The following LTBP4 variants were observed in gnomAD, a reference collection of about 807,000 sequenced individuals.
LTBP4 encodes latent-transforming growth factor beta-binding protein 4.
A neutral mutation model predicts 180.2 loss-of-function variants in LTBP4; 93 were observed. The observed-to-expected ratio is 0.52, with a 90% CI of 0.44 to 0.61. The LOEUF (loss-of-function observed/expected upper bound fraction) is 0.61, where lower values mean the gene tolerates loss of function less well. Among genes scored for constraint, LTBP4 ranks in the 20% least tolerant of loss-of-function variants. LTBP4 has a pLI of 0.00. For missense variants in LTBP4, 2,116 were observed against 2,256.5 expected (o/e 0.94, Z 1.26); for synonymous variants, 947 against 934.5 (o/e 1.01, Z -0.24).
chr19:40,625,250 A>ATT lies in LTBP4; in HGVS notation c.3833-605_3833-604dup, dbSNP rs1568414196. Among the ~76,000 whole-genome samples the ATT allele has an allele frequency of 6.7e-4, 32 of 47,780 alleles. 3 individuals are homozygous for ATT. The highest frequency in any genetic ancestry group is 2.2e-3 in the African/African-American group (24 of 10,992). 31.3% of individuals were successfully genotyped at this position (47,780 alleles called of 152,430 possible). A position where few individuals can be genotyped will look rare whatever the true frequency, so the allele number is the denominator to read the frequency against. ...GCCACCAAGCCTGGCTAATTTTTGT[A>ATT]TTTATATATATATATATATATATAT... On this transcript the variant is annotated intron_variant, in intron 26 of 29. Transcript: ENST00000396819.
In LTBP4 at chr19:40,627,716, G is replaced by A. The variant is rs760354615; in HGVS notation, c.4378G>A (p.Glu1460Lys). The change falls in exon 29 of 30, where the codon GAG (glutamate) becomes AAG (lysine). Residue 1460 changes from glutamate to lysine, a missense_variant. Coordinates refer to ENST00000396819, the MANE Select transcript of LTBP4 (RefSeq NM_001042545.2). ...EGGSYAGSLA[E>K]PYEELEAEEC... ...CGCATTTCCCACAGGTTCCCTGGCT[G>A]AGCCCTACGAGGAGCTGGAGGCGGA... 6.3e-6 allele frequency: 10 copies of A among 1,595,182 alleles called. No individual in the cohort carries two copies. The highest frequency in any genetic ancestry group is 8.5e-6 in the Non-Finnish European group (10 of 1,172,214).
Position 40,627,817 on chromosome 19 carries a change from C to T in LTBP4, c.4479C>T (p.Phe1493=), listed in dbSNP as rs1038609848. 11 of 1,569,998 alleles carry T rather than the reference C, an allele frequency of 7.0e-6. No homozygotes were observed. The African/African-American group carries it at 1.2e-4, about 17-fold the overall frequency. Residue 1493 remains phenylalanine (F), a synonymous_variant, in exon 29 of 30, where the codon TTC becomes TTT. Transcript: ENST00000396819. The part of the protein sequence containing the change: ...RVPEGFTCRC[F]DGYRLDMTRM... ...CCGAAGGCTTCACCTGCCGTTGCTTCGACGGCTACCGCCTGGACATGACCC... is the reference window on the plus strand; with the variant it reads ...CCGAAGGCTTCACCTGCCGTTGCTTTGACGGCTACCGCCTGGACATGACCC...
chr19:40,627,825 A>G lies in LTBP4; in HGVS notation c.4487A>G (p.Tyr1496Cys). Residue 1496 changes from tyrosine to cysteine, a missense_variant, in exon 29 of 30, where the codon TAC becomes TGC. By Grantham distance (194) the Tyr-to-Cys change is radical. Transcript: ENST00000396819. ...EGFTCRCFDG[Y>C]RLDMTRMACV... ...TTCACCTGCCGTTGCTTCGACGGCTACCGCCTGGACATGACCCGCATGGCC... is the reference window on the plus strand; with the variant it reads ...TTCACCTGCCGTTGCTTCGACGGCTGCCGCCTGGACATGACCCGCATGGCC... 3.8e-6 allele frequency: 6 copies of G among 1,570,000 alleles called. No individual in the cohort carries two copies. The highest frequency in any genetic ancestry group is 5.2e-6 in the Non-Finnish European group (6 of 1,163,666).
chr19:40,614,934 C>T (rs1282659281), intron 19 of LTBP4, among the ~76,000 whole-genome samples: 1 of 152,186 alleles, frequency 6.6e-6, no homozygotes, highest in Admixed American at 6.5e-5. Flanking sequence ...ATTCTCCTAG[C>T]ATTGGCCCCC....
upstream of LTBP4, chr19:40,599,750 A>G: frequency 1.7e-6 from 1 of 593,802 alleles, no homozygotes. Flanking sequence ...CCATCTCTGC[A>G]TTATTTCTGT....
chr19:40,611,813 T>G lies in LTBP4; in HGVS notation c.2054-46T>G, dbSNP rs760757513. The stretch of plus-strand genomic sequence containing the variant: ...GGGTGGGTGGTGATGGCCATGGGAA[T>G]GGATTCAGGCCCCTTCCTCAGCCTC... On this transcript the variant is annotated intron_variant, in intron 13 of 29. Coordinates refer to ENST00000396819, the MANE Select transcript of LTBP4 (RefSeq NM_001042545.2). The surrounding 1 kb of genome is among the most constrained non-coding windows in gnomAD (Gnocchi z 4.4). 1 of 1,576,002 alleles carries G rather than the reference T, an allele frequency of 6.3e-7. No homozygotes were observed. Among genetic ancestry groups the G allele is most frequent in the African/African-American group, 1.3e-5 (1 of 74,198 alleles).
rs771309432 is a variant in LTBP4, at chr19:40,607,387, C to G, written c.1014C>G (p.Ala338=). ...SCISQHVISE[A]KGPCFRVLRD... Reference sequence around the variant, plus strand: ...CAGCCCAACACGTGATCTCAGAGGCCAAAGGGCCCTGCTTCCGCGTGCTCC... The same window carrying G: ...CAGCCCAACACGTGATCTCAGAGGCGAAAGGGCCCTGCTTCCGCGTGCTCC... Residue 338 remains alanine, a synonymous_variant, in exon 7 of 30, where the codon GCC becomes GCG. Coordinates refer to ENST00000396819, the MANE Select transcript of LTBP4 (RefSeq NM_001042545.2). 1.9e-6 allele frequency: 3 copies of G among 1,612,936 alleles called. No homozygotes were observed. The South Asian group carries it at 3.3e-5, about 18-fold the overall frequency.
At chr19:40,621,007 T>C (rs2081582990) in intron 22 of LTBP4, among the ~76,000 whole-genome samples, 2 of 151,844 alleles carry the variant, frequency 1.3e-5, no homozygotes, top group Admixed American at 1.3e-4. Context: ...AGTGGCGTGA[T>C]CTCAGCTCAC....
chr19:40,624,208 C>G, intron 26 of LTBP4, 126 bp downstream of exon 26: 2 of 1,146,236 alleles, frequency 1.7e-6, no homozygotes, highest in African/African-American at 3.2e-5. Flanking sequence ...CTCGACCACG[C>G]CCCACTGAGC....
chr19:40,627,010 C>G lies in LTBP4; in HGVS notation c.4021C>G (p.Pro1341Ala), dbSNP rs768705393. Residue 1341 changes from proline (P) to alanine (A), a missense_variant, in exon 28 of 30, where the codon CCC (proline) becomes GCC (alanine). This residue lies in a region of LTBP4 where 488 missense variants were observed against 458.8 expected (regional missense o/e 1.06). Coordinates refer to ENST00000396819, the MANE Select transcript of LTBP4 (RefSeq NM_001042545.2). The part of the protein sequence containing the change: ...FEALCNVLRP[P>A]AYSPPRPGGF... ...GGCCCTGTGCAATGTGCTACGCCCC[C>G]CCGCATATAGCCCCCCGCGACCAGG... 1 of 1,594,062 alleles carries G rather than the reference C, an allele frequency of 6.3e-7. No homozygotes were observed. Among genetic ancestry groups the G allele is most frequent in the Admixed American group, 1.7e-5 (1 of 58,488 alleles).
Position 40,601,610 on chromosome 19 carries a change from GC to G in LTBP4, c.227del (p.Pro76ArgfsTer13), listed in dbSNP as rs1310633423. On this transcript the variant is annotated frameshift_variant, in exon 1 of 30. Coordinates refer to ENST00000396819, the MANE Select transcript of LTBP4 (RefSeq NM_001042545.2). LOFTEE classifies it high-confidence loss of function. ...GGACAGCGGCGCTCCCGGCGGGGCGGCCCCGGGGGGACCCGGCTTCCGCGCC... is the reference window on the plus strand; with the variant it reads ...GGACAGCGGCGCTCCCGGCGGGGCGGCCCGGGGGGACCCGGCTTCCGCGCC... Reference protein sequence around the residue: ...SVDSGAPGGAAPGGPGFRAFL... With the variant: ...SVDSGAPGGAXPGGPGFRAFL... 1.4e-6 allele frequency: 2 copies of G among 1,385,004 alleles called. No individual in the cohort carries two copies. Among genetic ancestry groups the G allele is most frequent in the Non-Finnish European group, 1.9e-6 (2 of 1,077,938 alleles). 85.8% of individuals were successfully genotyped at this position (1,385,004 alleles called of 1,614,324 possible).
intron 1 of LTBP4, among the ~76,000 whole-genome samples, chr19:40,603,894 T>A (rs2081440449): frequency 6.6e-6 from 1 of 152,152 alleles, no homozygotes; most frequent in Non-Finnish European, 1.5e-5. Flanking sequence ...CCGCCGCACC[T>A]CTCTCTTTGT....
In LTBP4 at chr19:40,626,117, C is replaced by G. The variant is rs2278243; in HGVS notation, c.3985+108C>G. 242,130 of 1,274,112 alleles carry G rather than the reference C, an allele frequency of 0.19. 23,465 individuals carry two copies. Among genetic ancestry groups the G allele is most frequent in the South Asian group, 0.27 (17,848 of 64,912 alleles). The allele number at this position is 1,274,112 out of a possible 1,614,324, so 78.9% of individuals were successfully genotyped here. On this transcript the variant is annotated intron_variant, in intron 27 of 29. Coordinates refer to ENST00000396819, the MANE Select transcript of LTBP4 (RefSeq NM_001042545.2). Reference sequence around the variant, plus strand: ...CCCCCAGACTCTATCCAAACTCTGTCCCCTAGACCAACCCCTATGTCGCAG... The same window carrying G: ...CCCCCAGACTCTATCCAAACTCTGTGCCCTAGACCAACCCCTATGTCGCAG...
rs1424898538 is a variant in LTBP4 at position 40,609,068 on chromosome 19, G to A, written c.1427-462G>A. 4 of 187,090 alleles carry A rather than the reference G, an allele frequency of 2.1e-5. No individual in the cohort carries two copies. The highest frequency in any genetic ancestry group is 4.5e-5 in the Non-Finnish European group (4 of 89,128). The allele number at this position is 187,090 out of a possible 1,614,324, so 11.6% of individuals were successfully genotyped here. On this transcript the variant is annotated intron_variant, in intron 9 of 29. Transcript: ENST00000396819. The surrounding 1 kb of genome is among the most constrained non-coding windows in gnomAD (Gnocchi z 4.9). Reference sequence around the variant, plus strand: ...GGTGGTAGTTAGATCAGGAGCTGGAGTCACAGTTGGGCTCTTCTGTGTCAA... The same window carrying A: ...GGTGGTAGTTAGATCAGGAGCTGGAATCACAGTTGGGCTCTTCTGTGTCAA...
At chr19:40,610,353 A>G in intron 11 of LTBP4, 179 bp from the exon 12 acceptor site, 3 of 683,686 alleles carry the variant, frequency 4.4e-6, no homozygotes, top group Non-Finnish European at 7.2e-6. Flanking sequence ...GCGCTACCAA[A>G]CCCTGCCCTC....
Position 40,627,805 on chromosome 19 carries a change from C to G in LTBP4, c.4467C>G (p.Thr1489=). Residue 1489 remains threonine (T), a synonymous_variant, in exon 29 of 30, where the codon ACC becomes ACG. Transcript: ENST00000396819. ...GCGTGCGCGTCCCCGAAGGCTTCACCTGCCGTTGCTTCGACGGCTACCGCC... is the reference window on the plus strand; with the variant it reads ...GCGTGCGCGTCCCCGAAGGCTTCACGTGCCGTTGCTTCGACGGCTACCGCC... ...GRCVRVPEGF[T]CRCFDGYRLD... 2 of 1,572,782 alleles carry G rather than the reference C, an allele frequency of 1.3e-6. No individual in the cohort carries two copies. The highest frequency in any genetic ancestry group is 2.3e-5 in the South Asian group (2 of 85,974).
chr19:40,613,196 G>A lies in LTBP4; in HGVS notation c.2431G>A (p.Asp811Asn). ...APSGRPGPCADVNECLEGDFC... is the reference protein window; with the variant it reads ...APSGRPGPCANVNECLEGDFC... The stretch of plus-strand genomic sequence containing the variant: ...GTCGGGTCGGCCCGGGCCCTGCGCA[G>A]GTGAGCAGCATAGGGACCCGCCAGA... The change falls in exon 16 of 30, where the codon GAC becomes AAC. Residue 811 changes from aspartate to asparagine, a missense_variant and splice_region_variant. Transcript: ENST00000396819. This position sits in a 1 kb window ranked among gnomAD's most constrained non-coding sequence, Gnocchi z 5.0. The A allele has an allele frequency of 6.4e-7, 1 of 1,565,322 alleles. No individual in the cohort carries two copies. The highest frequency in any genetic ancestry group is 8.7e-7 in the Non-Finnish European group (1 of 1,155,070).
Position 40,611,094 on chromosome 19 carries a change from G to A in LTBP4, c.1811-58G>A, listed in dbSNP as rs2081502101. The A allele has an allele frequency of 6.2e-7, 1 of 1,601,744 alleles. No individual in the cohort carries two copies. The highest frequency in any genetic ancestry group is 1.7e-5 in the Admixed American group (1 of 59,444). On this transcript the variant is annotated intron_variant, in intron 12 of 29. Coordinates refer to ENST00000396819, the MANE Select transcript of LTBP4 (RefSeq NM_001042545.2). This position sits in a 1 kb window ranked among gnomAD's most constrained non-coding sequence, Gnocchi z 4.4. ...ATGTTGGAGGGTGGAAAGCCAAAGT[G>A]ACAGAGGTCAGGGAGGCAGAGGGGA...
At position 40,612,170 on chromosome 19, in the gene LTBP4, C is replaced by A; in HGVS notation, c.2277C>A (p.His759Gln). 6.2e-7 allele frequency: 1 copy of A among 1,609,034 alleles called. No homozygotes were observed. The highest frequency in any genetic ancestry group is 1.1e-5 in the South Asian group (1 of 89,914). ...GCAGGACCTGTCCTTCTGGCCACCA[C>A]CTGCACCGTGGCAGATGCACTGGTG... ...FQCRTCPSGH[H>Q]LHRGRCTDVD... Residue 759 changes from histidine (H) to glutamine (Q), a missense_variant, in exon 15 of 30, where the codon CAC (histidine) becomes CAA (glutamine). His to Gln is a conservative substitution (Grantham distance 24). Coordinates refer to ENST00000396819, the MANE Select transcript of LTBP4 (RefSeq NM_001042545.2).
Sources: gnomAD v4.1 joint callset for allele counts (sites outside exome capture counted in the v4.1 genomes callset) on GRCh38, gnomAD v4.1.1 for gene constraint, gnomAD v4.1.1 regional missense constraint, Gnocchi (gnomAD v3.1) non-coding constraint, MANE v1.5 for transcripts, NCBI Gene and HGNC (gene_info 2026-07-23, HGNC 2026-07-21) for gene names.